The following DDX10 variants were observed in gnomAD, a reference collection of about 807,000 sequenced individuals.
DDX10 encodes the protein probable ATP-dependent RNA helicase DDX10.
A neutral mutation model predicts 104.3 loss-of-function variants in DDX10; 74 were observed. The ratio of observed to expected loss-of-function variants is 0.71; its 90% CI spans 0.59 to 0.86. DDX10 has a LOEUF of 0.86. DDX10 is among the 40% of genes least tolerant of loss of function. The pLI, the probability that DDX10 is intolerant of heterozygous loss-of-function variation, is 0.00. For missense variants in DDX10, 952 were observed against 1,040.0 expected (o/e 0.92, Z 1.16); for synonymous variants, 351 against 353.4 (o/e 0.99, Z 0.08).
intron 13 of DDX10, among the ~76,000 whole-genome samples, chr11:108,787,351 G>A (rs531735818): frequency 6.6e-6 from 1 of 151,980 alleles, no homozygotes; most frequent in African/African-American, 2.4e-5. Context: ...AGTATCTCGC[G>A]TGGGTTCTCT....
chr11:108,774,384 T>A (rs953493818), intron 13 of DDX10, among the ~76,000 whole-genome samples: 1 of 152,248 alleles, frequency 6.6e-6, no homozygotes, highest in African/African-American at 2.4e-5. Flanking sequence ...AACATCTGTT[T>A]GCTGTTATCT....
intron 7 of DDX10, among the ~76,000 whole-genome samples, chr11:108,689,415 C>T (rs906467328): frequency 6.6e-6 from 1 of 152,112 alleles, no homozygotes; most frequent in African/African-American, 2.4e-5. Flanking sequence ...ATTTCCATGC[C>T]GTATATCTTT....
intron 17 of DDX10, among the ~76,000 whole-genome samples, chr11:108,937,995 T>A (rs1864057824): frequency 6.6e-6 from 1 of 152,198 alleles, no homozygotes; most frequent in South Asian, 2.1e-4. Flanking sequence ...AGCTCAGGCT[T>A]GGACTCGCCC....
chr11:108,784,312 T>C (rs1861757778), intron 13 of DDX10, among the ~76,000 whole-genome samples: 1 of 152,118 alleles, frequency 6.6e-6, no homozygotes, highest in African/African-American at 2.4e-5. Context: ...CATCTTTTAT[T>C]TTTTTGACTT....
intron 16 of DDX10, among the ~76,000 whole-genome samples, chr11:108,911,084 A>G (rs1863671269): frequency 6.6e-6 from 1 of 152,168 alleles, no homozygotes; most frequent in Non-Finnish European, 1.5e-5. Context: ...CTCCCCAGAA[A>G]TAGCAGAACC....
At chr11:108,862,170 C>T (rs1360308503) in intron 16 of DDX10, among the ~76,000 whole-genome samples, 2 of 152,148 alleles carry the variant, frequency 1.3e-5, no homozygotes, top group Admixed American at 1.3e-4. Flanking sequence ...GAGAATGTAC[C>T]ACCAAATCTG....
chr11:108,692,467 ACC>A (rs2134451075), intron 8 of DDX10, among the ~76,000 whole-genome samples: 1 of 152,204 alleles, frequency 6.6e-6, no homozygotes, highest in Non-Finnish European at 1.5e-5. Flanking sequence ...TATTTTCAAA[ACC>A]TGCTTTGTTG....
At chr11:108,825,833 T>G (rs1478689760) in intron 13 of DDX10, among the ~76,000 whole-genome samples, 2 of 152,174 alleles carry the variant, frequency 1.3e-5, no homozygotes, top group African/African-American at 4.8e-5. Flanking sequence ...GTTTGTGTCT[T>G]AATATAATAA....
chr11:108,692,864 C>T (rs1039620558), intron 8 of DDX10, among the ~76,000 whole-genome samples: 4 of 152,162 alleles, frequency 2.6e-5, no homozygotes, highest in Non-Finnish European at 5.9e-5. Flanking sequence ...GCTGGGACTA[C>T]AGGCATGCGC....
At chr11:108,871,326 C>G (rs1863079481) in intron 16 of DDX10, among the ~76,000 whole-genome samples, 1 of 152,204 alleles carries the variant, frequency 6.6e-6, no homozygotes, top group South Asian at 2.1e-4. Context: ...AATTATAACT[C>G]AAAGATGCCT....
chr11:108,799,105 AG>A (rs1306298644), intron 13 of DDX10, among the ~76,000 whole-genome samples: 1 of 152,188 alleles, frequency 6.6e-6, no homozygotes, highest in East Asian at 1.9e-4. Context: ...GTCTGCTGAA[AG>A]GGTTAGGTCT....
chr11:108,666,705 CT>C (rs2094210613), intron 1 of DDX10, among the ~76,000 whole-genome samples: 1 of 152,220 alleles, frequency 6.6e-6, no homozygotes, highest in Non-Finnish European at 1.5e-5. Context: ...CTGCCTTCTC[CT>C]GTGTCAGTCT....
In DDX10 at chr11:108,833,517, C is replaced by T. The variant is rs79452820; in HGVS notation, c.1966-4929C>T. 3.4e-3 allele frequency among the ~76,000 whole-genome samples: 511 copies of T among 152,254 alleles called. 5 individuals are homozygous for T. Among genetic ancestry groups the T allele is most frequent in the African/African-American group, 0.012 (491 of 41,544 alleles). On this transcript the variant is annotated intron_variant, in intron 13 of 17. Coordinates refer to ENST00000322536, the MANE Select transcript of DDX10 (RefSeq NM_004398.4). Reference sequence around the variant, plus strand: ...GAGCCTAACAGGAAAATATGATAAGCCTCTTCTCACCCATGTGGGCATTTC... The same window carrying T: ...GAGCCTAACAGGAAAATATGATAAGTCTCTTCTCACCCATGTGGGCATTTC...
chr11:108,805,321 G>A (rs1862083308), intron 13 of DDX10, among the ~76,000 whole-genome samples: 1 of 152,154 alleles, frequency 6.6e-6, no homozygotes, highest in Admixed American at 6.5e-5. Context: ...CCTCCACACT[G>A]GAAGCCAGAA....
At chr11:108,673,582 A>G in intron 2 of DDX10, 55 bp downstream of exon 2, 1 of 1,310,906 alleles carries the variant, frequency 7.6e-7, no homozygotes, top group Non-Finnish European at 1.1e-6. Flanking sequence ...ATTTTTGATA[A>G]ATGGGAGAAG....
intron 17 of DDX10, among the ~76,000 whole-genome samples, chr11:108,924,936 GA>G (rs1209973938): frequency 6.6e-6 from 1 of 152,194 alleles, no homozygotes; most frequent in East Asian, 1.9e-4. Flanking sequence ...ATTGTGTGTA[GA>G]AAATGTAGAA....
chr11:108,843,577 G>A (rs1204482538), intron 15 of DDX10, among the ~76,000 whole-genome samples: 1 of 151,938 alleles, frequency 6.6e-6, no homozygotes, highest in Non-Finnish European at 1.5e-5. Flanking sequence ...GACCAACATA[G>A]TGAAACCCCA....
chr11:108,825,597 C>G (rs889803075), intron 13 of DDX10, among the ~76,000 whole-genome samples: 3 of 152,118 alleles, frequency 2.0e-5, no homozygotes, highest in Admixed American at 2.0e-4. Context: ...AAGAAACAAG[C>G]AAGACATAAT....
At chr11:108,793,945 A>G (rs1861905445) in intron 13 of DDX10, among the ~76,000 whole-genome samples, 1 of 151,542 alleles carries the variant, frequency 6.6e-6, no homozygotes, top group East Asian at 1.9e-4. Flanking sequence ...TTCTGTGCCT[A>G]GTTTATGCCA....
Sources: gnomAD v4.1 joint callset for allele counts (sites outside exome capture counted in the v4.1 genomes callset) on GRCh38, gnomAD v4.1.1 for gene constraint, MANE v1.5 for transcripts, NCBI Gene and HGNC (gene_info 2026-07-23, HGNC 2026-07-21) for gene names.